The following CYP11B1 variants were observed in gnomAD, a reference collection of about 807,000 sequenced individuals.
CYP11B1 encodes the protein cytochrome P450 11B1, mitochondrial.
A neutral mutation model predicts 48.3 loss-of-function variants in CYP11B1; 34 were observed. The observed-to-expected ratio is 0.70, with a 90% CI of 0.54 to 0.94. The LOEUF (loss-of-function observed/expected upper bound fraction) is 0.94, where lower values mean the gene tolerates loss of function less well. Ranked by LOEUF, CYP11B1 falls within the 40% of genes least tolerant of loss-of-function variation. The probability of loss-of-function intolerance (pLI) is 0.00; values close to 1 mark genes in which losing one functional copy is unlikely to be tolerated. For missense variants in CYP11B1, 688 were observed against 657.4 expected (o/e 1.05, Z -0.51); for synonymous variants, 291 against 262.5 (o/e 1.11, Z -1.05).
intron 2 of CYP11B1, 76 bp downstream of exon 2, chr8:142,878,956 T>C: frequency 6.3e-7 from 1 of 1,577,162 alleles, no homozygotes; most frequent in Non-Finnish European, 8.6e-7. Context: ...AGATGTGCTT[T>C]TGGGTCCTGC....
intron 6 of CYP11B1, 93 bp downstream of exon 6, chr8:142,875,619 T>C: frequency 6.9e-7 from 1 of 1,453,604 alleles, no homozygotes. Context: ...GGTGACGCTG[T>C]TTATCAGCCC....
chr8:142,875,018 C>G lies in CYP11B1; in HGVS notation c.1337G>C (p.Gly446Ala), dbSNP rs2130266256. The G allele has an allele frequency of 6.2e-7, 1 of 1,614,228 alleles. No homozygotes were observed. The highest frequency in any genetic ancestry group is 1.1e-5 in the South Asian group (1 of 91,088). ...GCGCCGCCCAAGGCACTGGCGCATGCCAAAGCCAAAGGGCACGTGGTAGAA... is the reference window on the plus strand; with the variant it reads ...GCGCCGCCCAAGGCACTGGCGCATGGCAAAGCCAAAGGGCACGTGGTAGAA... ...RNFYHVPFGF[G>A]MRQCLGRRLA... Residue 446 changes from glycine (G) to alanine (A), a missense_variant, in exon 8 of 9, where the codon GGC (glycine) becomes GCC (alanine). By Grantham distance (60) the Gly-to-Ala change is moderately conservative. Coordinates refer to ENST00000292427, the MANE Select transcript of CYP11B1 (RefSeq NM_000497.4).
Position 142,875,855 on chromosome 8 carries a change from C to G in CYP11B1, c.978G>C (p.Thr326=). 1 of 1,614,130 alleles carries G rather than the reference C, an allele frequency of 6.2e-7. No individual in the cohort carries two copies. The highest frequency in any genetic ancestry group is 8.5e-7 in the Non-Finnish European group (1 of 1,180,006). The change falls in exon 6 of 9, where the codon ACG becomes ACC. Residue 326 remains threonine, a synonymous_variant. Coordinates refer to ENST00000292427, the MANE Select transcript of CYP11B1 (RefSeq NM_000497.4). The stretch of plus-strand genomic sequence containing the variant: ...TGGGGTTCCGAGCCAGCTCAAAGAG[C>G]GTCATCAGCAAGGGAAACACCGTCT... ...VDTTVFPLLM[T]LFELARNPNV...
rs779765677 is a variant in CYP11B1 at position 142,874,430 on chromosome 8, G to C, written c.1455C>G (p.Tyr485Ter). 2 of 1,613,950 alleles carry C rather than the reference G, an allele frequency of 1.2e-6. No individual in the cohort carries two copies. The highest frequency in any genetic ancestry group is 1.1e-5 in the South Asian group (1 of 91,072). ...TLTQEDIKMVYSFILRPSMFP... is the reference protein window; with the variant it reads ...TLTQEDIKMV Reference sequence around the variant, plus strand: ...ACATGCTGGGCCTCAATATGAAGCTGTAGACCATCTTTATGTCCTCTTGGG... The same window carrying C: ...ACATGCTGGGCCTCAATATGAAGCTCTAGACCATCTTTATGTCCTCTTGGG... Residue 485 changes from tyrosine (Y) to a stop codon, truncating the protein, a stop_gained, in exon 9 of 9, where the codon TAC (tyrosine) becomes TAG (stop). Coordinates refer to ENST00000292427, the MANE Select transcript of CYP11B1 (RefSeq NM_000497.4). LOFTEE classifies it low-confidence loss of function (END_TRUNC).
At chr8:142,879,473 G>A in intron 1 of CYP11B1, 102 bp downstream of exon 1, 4 of 1,613,950 alleles carry the variant, frequency 2.5e-6, no homozygotes, top group Non-Finnish European at 3.4e-6. Context: ...GATGCAGAGT[G>A]CCGGGACCTG....
In CYP11B1 at chr8:142,874,489, A is replaced by G; in HGVS notation, c.1399-3T>C. The stretch of plus-strand genomic sequence containing the variant: ...TCCACCTGGAGGTGTTTCAGCACCT[A>G]GGACAGAAGCCGGGTTTCCATCTGG... On this transcript the variant is annotated splice_polypyrimidine_tract_variant and splice_region_variant and intron_variant, in intron 8 of 8. Coordinates refer to ENST00000292427, the MANE Select transcript of CYP11B1 (RefSeq NM_000497.4). The G allele has an allele frequency of 6.2e-7, 1 of 1,603,128 alleles. No homozygotes were observed. Among genetic ancestry groups the G allele is most frequent in the South Asian group, 1.1e-5 (1 of 90,842 alleles).
rs1364095684 is a variant in CYP11B1, at chr8:142,872,620, A to G, written c.*1753T>C. ...CATTTAAATCACACTTTGGACTACA[A>G]TTTTAAAGTTGATGCTAAAATGAGT... On this transcript the variant is annotated 3_prime_UTR_variant, in exon 9 of 9. Transcript: ENST00000292427. The G allele has an allele frequency of 2.0e-5, 3 of 152,240 alleles. No individual in the cohort carries two copies. The highest frequency in any genetic ancestry group is 4.8e-5 in the African/African-American group (2 of 41,466). 9.4% of individuals were successfully genotyped at this position (152,240 alleles called of 1,614,324 possible).
intron 6 of CYP11B1, 159 bp from the exon 7 acceptor site, chr8:142,875,471 C>A (rs1356010205): frequency 5.3e-5 from 61 of 1,144,870 alleles, no homozygotes; most frequent in Non-Finnish European, 7.8e-5. Flanking sequence ...GGCCAAACCT[C>A]CCCTAACTTA....
chr8:142,875,459 C>T (rs2130268651), intron 6 of CYP11B1, 147 bp from the exon 7 acceptor site: 7 of 1,183,412 alleles, frequency 5.9e-6, no homozygotes, highest in Middle Eastern at 2.7e-4. Context: ...CCTGCTGAGC[C>T]CGGCCAAACC....
In CYP11B1 at chr8:142,875,791, C is replaced by T. The variant is rs6407; in HGVS notation, c.1042G>A (p.Ala348Thr). The T allele has an allele frequency of 2.8e-4, 453 of 1,614,066 alleles. No homozygotes were observed. Among genetic ancestry groups the T allele is most frequent in the African/African-American group, 3.7e-4 (28 of 75,040 alleles). The change falls in exon 6 of 9, where the codon GCA becomes ACA. Residue 348 changes from alanine to threonine, a missense_variant. Coordinates refer to ENST00000292427, the MANE Select transcript of CYP11B1 (RefSeq NM_000497.4). ...QALRQESLAA[A>T]ASISEHPQKA... ...TGGGGATGTTCACTGATGCTGGCTG[C>T]GGCGGCCAGGCTCTCCTGGCGCAGG...
intron 1 of CYP11B1, 87 bp from the exon 2 acceptor site, chr8:142,879,274 C>T: frequency 1.9e-6 from 3 of 1,609,476 alleles, no homozygotes; most frequent in Admixed American, 1.7e-5. Flanking sequence ...TGTCTCCTGT[C>T]CACCCTCCCC....
chr8:142,876,634 C>A (rs533518858), intron 4 of CYP11B1, 48 bp downstream of exon 4: 1 of 1,578,160 alleles, frequency 6.3e-7, no homozygotes, highest in Admixed American at 1.8e-5. Context: ...GAAATTGGGC[C>A]CCCATGGTGT....
In CYP11B1 at chr8:142,879,022, C is replaced by T. The variant is rs768465089; in HGVS notation, c.395+10G>A. The T allele has an allele frequency of 1.5e-4, 244 of 1,613,890 alleles. 1 individual carries two copies. Among genetic ancestry groups the T allele is most frequent in the Admixed American group, 3.2e-4 (19 of 59,990 alleles). ...CCCACCCTGCTCCCAGCTCTCAGCT[C>T]GCCGCTTACAGCAAGAACACGCCAC... On this transcript the variant is annotated intron_variant, in intron 2 of 8. Transcript: ENST00000292427.
chr8:142,878,074 G>A lies in CYP11B1; in HGVS notation c.396-852C>T, dbSNP rs550204211. ...TGCACACAGACACATGTGCACACAC[G>A]CATGCACACACAACACGTGCAAATG... On this transcript the variant is annotated intron_variant, in intron 2 of 8. Coordinates refer to ENST00000292427, the MANE Select transcript of CYP11B1 (RefSeq NM_000497.4). Among the ~76,000 whole-genome samples, 260 of 151,912 alleles carry A rather than the reference G, an allele frequency of 1.7e-3. 4 individuals carry two copies. The highest frequency in any genetic ancestry group is 3.2e-4 in the Non-Finnish European group (22 of 67,966).
At chr8:142,878,319 G>A (rs1817028812) in intron 2 of CYP11B1, among the ~76,000 whole-genome samples, 1 of 152,206 alleles carries the variant, frequency 6.6e-6, no homozygotes, top group South Asian at 2.1e-4. Context: ...TTCTCCTCCT[G>A]CCATGGAGTG....
Position 142,875,131 on chromosome 8 carries a change from G to A in CYP11B1, c.1224C>T (p.Tyr408=). The change falls in exon 8 of 9, where the codon TAC becomes TAT. Residue 408 remains tyrosine (Y), a synonymous_variant. Coordinates refer to ENST00000292427, the MANE Select transcript of CYP11B1 (RefSeq NM_000497.4). ...ACAAGGCGGGGTTGCGACCCAGAGA[G>A]TAGAGGAACACGCGCACCAATGTCT... ...PAGTLVRVFL[Y]SLGRNPALFP... is the part of the protein sequence containing the mutation. 4.3e-6 allele frequency: 7 copies of A among 1,614,276 alleles called. No individual in the cohort carries two copies. The highest frequency in any genetic ancestry group is 5.9e-6 in the Non-Finnish European group (7 of 1,180,044).
At chr8:142,876,516 G>T in intron 4 of CYP11B1, 121 bp from the exon 5 acceptor site, 1 of 1,543,168 alleles carries the variant, frequency 6.5e-7, no homozygotes, top group Non-Finnish European at 8.8e-7. Context: ...AAATTCTCCG[G>T]ATCAGCCCAG....
At position 142,872,491 on chromosome 8, in the gene CYP11B1, A is replaced by G. The variant is rs1381099212; in HGVS notation, c.*1882T>C. On this transcript the variant is annotated 3_prime_UTR_variant, in exon 9 of 9. Coordinates refer to ENST00000292427, the MANE Select transcript of CYP11B1 (RefSeq NM_000497.4). ...TATCCTATGCCTCTCCAACCACTGT[A>G]TTTTGGAAGCACATAACATGTTTGA... 6.6e-6 allele frequency: 1 copy of G among 152,134 alleles called. No homozygotes were observed. Among genetic ancestry groups the G allele is most frequent in the Non-Finnish European group, 1.5e-5 (1 of 68,030 alleles). 9.4% of individuals were successfully genotyped at this position (152,134 alleles called of 1,614,324 possible).
Position 142,879,195 on chromosome 8 carries a change from G to A in CYP11B1, c.240-8C>T, listed in dbSNP as rs750472742. ...GCTCCTCCCAAGTCGTACCTGTGGGGCCAAGCACGAGGCCGTGCTGGATGG... is the reference window on the plus strand; with the variant it reads ...GCTCCTCCCAAGTCGTACCTGTGGGACCAAGCACGAGGCCGTGCTGGATGG... On this transcript the variant is annotated splice_polypyrimidine_tract_variant and splice_region_variant and intron_variant, in intron 1 of 8. Coordinates refer to ENST00000292427, the MANE Select transcript of CYP11B1 (RefSeq NM_000497.4). The A allele has an allele frequency of 6.8e-6, 11 of 1,613,802 alleles. No homozygotes were observed. The highest frequency in any genetic ancestry group is 2.7e-5 in the African/African-American group (2 of 74,912).
Sources: gnomAD v4.1 joint callset for allele counts (sites outside exome capture counted in the v4.1 genomes callset) on GRCh38, gnomAD v4.1.1 for gene constraint, MANE v1.5 for transcripts, NCBI Gene and HGNC (gene_info 2026-07-23, HGNC 2026-07-21) for gene names.